Variants in NIPBL observed in about 807,000 individuals in gnomAD.
The protein encoded by NIPBL is nipped-B-like protein.
In NIPBL, 19 loss-of-function variants were observed where a neutral mutation model predicts 321.8. The observed-to-expected ratio is 0.06, with a 90% CI of 0.04 to 0.09. The LOEUF is 0.09. Ranked by LOEUF, NIPBL falls within the 10% of genes least tolerant of loss-of-function variation. The pLI is 1.00. For synonymous variants in NIPBL, 1,106 were observed against 1,114.1 expected (o/e 0.99, Z 0.14); for missense variants, 2,210 against 3,327.0 (o/e 0.66, Z 8.26).
intron 6 of NIPBL, among the ~76,000 whole-genome samples, chr5:36,969,472 T>A (rs1231831306): frequency 2.6e-5 from 4 of 152,204 alleles, no homozygotes; most frequent in African/African-American, 9.6e-5. Context: ...CATGGACAAA[T>A]GTAAACTTGG....
chr5:37,049,335 AAG>A, intron 40 of NIPBL, 34 bp downstream of exon 40: 1 of 1,599,040 alleles, frequency 6.3e-7, no homozygotes, highest in East Asian at 2.2e-5. Flanking sequence ...CACTTACTAA[AAG>A]AGCAAGATTA....
chr5:36,998,073 G>A (rs965190097), intron 11 of NIPBL, among the ~76,000 whole-genome samples: 1 of 152,070 alleles, frequency 6.6e-6, no homozygotes, highest in African/African-American at 2.4e-5. Context: ...GGAGAGAGGG[G>A]TGATGTAAGA....
chr5:37,033,685 T>TACGCACACACAC (rs1554028794), intron 32 of NIPBL, among the ~76,000 whole-genome samples: 1 of 65,066 alleles, frequency 1.5e-5, no homozygotes, highest in African/African-American at 8.9e-5. Context: ...TATATGTACA[T>TACGCACACACAC]ACACACACAC....
intron 1 of NIPBL, chr5:36,885,641 A>G: frequency 3.7e-6 from 2 of 545,408 alleles, no homozygotes; most frequent in South Asian, 2.9e-5. Context: ...TACTGTGGAC[A>G]ATGCCTGCAT....
intron 8 of NIPBL, among the ~76,000 whole-genome samples, chr5:36,972,266 C>T (rs1293839346): frequency 2.0e-5 from 3 of 152,032 alleles, no homozygotes; most frequent in Non-Finnish European, 1.5e-5. Context: ...ATAGTATTCT[C>T]GGATACATCC....
intron 1 of NIPBL, among the ~76,000 whole-genome samples, chr5:36,898,565 G>A (rs1746956335): frequency 6.8e-6 from 1 of 147,426 alleles, no homozygotes; most frequent in African/African-American, 2.5e-5. Context: ...AGGCTGGAGT[G>A]CAGTGGCACG....
At chr5:36,912,007 G>A (rs1463102024) in intron 1 of NIPBL, among the ~76,000 whole-genome samples, 2 of 152,122 alleles carry the variant, frequency 1.3e-5, no homozygotes, top group Non-Finnish European at 1.5e-5. Context: ...GATCAAATTC[G>A]TGTTTTAAAT....
chr5:36,943,307 C>T (rs989146436), intron 1 of NIPBL, among the ~76,000 whole-genome samples: 2 of 151,996 alleles, frequency 1.3e-5, no homozygotes, highest in African/African-American at 4.8e-5. Flanking sequence ...AAAATGTGAA[C>T]TACTTAGGAA....
intron 1 of NIPBL, chr5:36,885,436 C>G (rs1745820002): frequency 2.2e-6 from 1 of 462,182 alleles, no homozygotes; most frequent in South Asian, 1.7e-5. Context: ...TGGGAGGCAT[C>G]CAGAACAAGG....
chr5:37,021,270 G>T (rs983813018), intron 27 of NIPBL, among the ~76,000 whole-genome samples: 1 of 152,180 alleles, frequency 6.6e-6, no homozygotes. Flanking sequence ...TTGCACTCCA[G>T]CCTGGGCAAC....
At chr5:36,906,884 A>G (rs1747680960) in intron 1 of NIPBL, among the ~76,000 whole-genome samples, 1 of 152,214 alleles carries the variant, frequency 6.6e-6, no homozygotes, top group African/African-American at 2.4e-5. Flanking sequence ...AAATAGATCC[A>G]CAAGAAACAG....
At chr5:37,022,437 T>A (rs1410825985) in intron 29 of NIPBL, 47 bp downstream of exon 29, 1 of 1,529,540 alleles carries the variant, frequency 6.5e-7, no homozygotes. Flanking sequence ...ATTTTGCCTT[T>A]CAAGCATCAT....
chr5:36,932,428 T>G (rs1210649956), intron 1 of NIPBL, among the ~76,000 whole-genome samples: 8 of 152,216 alleles, frequency 5.3e-5, no homozygotes, highest in African/African-American at 1.7e-4. Flanking sequence ...ACTCTATCAT[T>G]ATGAAATATC....
chr5:37,052,056 A>C (rs1176588114), intron 41 of NIPBL, among the ~76,000 whole-genome samples, 170 bp downstream of exon 41: 1 of 152,132 alleles, frequency 6.6e-6, no homozygotes, highest in Non-Finnish European at 1.5e-5. Context: ...TCTAGTCTAA[A>C]GTTAAGGTTG....
intron 1 of NIPBL, among the ~76,000 whole-genome samples, chr5:36,942,349 T>G (rs980843488): frequency 6.8e-6 from 1 of 146,986 alleles, no homozygotes; most frequent in African/African-American, 2.5e-5. Context: ...CAAGAATGGC[T>G]TGAACCCAGG....
intron 8 of NIPBL, among the ~76,000 whole-genome samples, chr5:36,974,696 AGTT>A (rs940678387): frequency 6.6e-6 from 1 of 152,118 alleles, no homozygotes; most frequent in Non-Finnish European, 1.5e-5. Flanking sequence ...CAATAAATAA[AGTT>A]GTATGTTTAT....
In NIPBL at chr5:37,019,389, C is replaced by G; in HGVS notation, c.4999C>G (p.Pro1667Ala). The G allele has an allele frequency of 1.2e-6, 2 of 1,609,624 alleles. No individual in the cohort carries two copies. Among genetic ancestry groups the G allele is most frequent in the Non-Finnish European group, 1.7e-6 (2 of 1,176,160 alleles). The change falls in exon 25 of 47, where the codon CCT becomes GCT. Residue 1667 changes from proline to alanine, a missense_variant. By Grantham distance (27) the Pro-to-Ala change is conservative. Transcript: ENST00000282516. ...DYLDENTETD[P>A]SLVFSRKFYI... is the part of the protein sequence containing the mutation. ...CTTGGATGAAAACACTGAGACTGAT[C>G]CTTCACTAGTGGTAGGATTCTTTTC...
chr5:36,909,218 CA>C (rs1747864799), intron 1 of NIPBL, among the ~76,000 whole-genome samples: 1 of 152,114 alleles, frequency 6.6e-6, no homozygotes, highest in Non-Finnish European at 1.5e-5. Flanking sequence ...GGTTGGTGAG[CA>C]AGTACCTTCT....
intron 34 of NIPBL, among the ~76,000 whole-genome samples, chr5:37,043,254 A>T (rs1352054214): frequency 1.3e-5 from 2 of 151,938 alleles, no homozygotes; most frequent in African/African-American, 4.8e-5. Context: ...TTAAGGCCGG[A>T]CGCAGTTTCT....
Sources: gnomAD v4.1 joint callset for allele counts (sites outside exome capture counted in the v4.1 genomes callset) on GRCh38, gnomAD v4.1.1 for gene constraint, MANE v1.5 for transcripts, NCBI Gene and HGNC (gene_info 2026-07-23, HGNC 2026-07-21) for gene names.